Variants in ASPRV1 observed in about 807,000 individuals in gnomAD.
ASPRV1 encodes aspartic peptidase retroviral like 1, also known as retroviral-like aspartic protease 1.
A neutral mutation model predicts 11.0 loss-of-function variants in ASPRV1; 7 were observed. That is an observed-to-expected ratio of 0.64 (90% confidence interval 0.36 to 1.20). ASPRV1 has a LOEUF of 1.20. Among genes scored for constraint, ASPRV1 ranks in the 50% most tolerant of loss-of-function variants. ASPRV1 has a pLI of 0.02. For missense variants in ASPRV1, 299 were observed against 320.0 expected, an observed-to-expected ratio of 0.93 and a Z score of 0.50; for synonymous variants, 136 against 138.4, an observed-to-expected ratio of 0.98 and a Z score of 0.12.
At chr2:70,040,462 C>T in the ASPRV1 span, among the ~76,000 whole-genome samples, 1 of 152,160 alleles carries the variant, frequency 6.6e-6, no homozygotes, top group African/African-American at 2.4e-5. Context: ...CTGATCTCAG[C>T]TCACTGCAAC....
the ASPRV1 span, chr2:69,937,972 C>G: frequency 7.0e-6 from 6 of 860,638 alleles, no homozygotes; most frequent in South Asian, 1.0e-4. Context: ...GTCTCAAACT[C>G]CTAACCTCAA....
chr2:69,952,574 G>C, the ASPRV1 span, among the ~76,000 whole-genome samples: 1 of 145,206 alleles, frequency 6.9e-6, no homozygotes, highest in African/African-American at 2.6e-5. Context: ...AAAGAAAAAA[G>C]AAAAGGGAAG....
chr2:69,966,372 T>C (rs1224770705), upstream of ASPRV1, among the ~76,000 whole-genome samples: 2 of 152,236 alleles, frequency 1.3e-5, no homozygotes, highest in Non-Finnish European at 2.9e-5. Context: ...GACCAAGCCG[T>C]CATCCTTTCC....
the ASPRV1 span, chr2:70,080,856 C>T: frequency 1.3e-5 from 2 of 152,324 alleles, no homozygotes; most frequent in South Asian, 4.1e-4. Context: ...CCTTTGCTTC[C>T]TCTGCCTGGA....
chr2:70,020,317 T>C, the ASPRV1 span, among the ~76,000 whole-genome samples: 1 of 152,160 alleles, frequency 6.6e-6, no homozygotes, highest in African/African-American at 2.4e-5. Flanking sequence ...ATTATCACAA[T>C]AGCAAGCAAG....
the ASPRV1 span, among the ~76,000 whole-genome samples, chr2:69,999,099 T>G: frequency 3.3e-5 from 5 of 152,116 alleles, no homozygotes; most frequent in Admixed American, 1.3e-4. Context: ...AGATTAATAT[T>G]TATTTTATTT....
the ASPRV1 span, among the ~76,000 whole-genome samples, chr2:70,068,439 C>T: frequency 6.6e-5 from 10 of 152,112 alleles, no homozygotes; most frequent in Admixed American, 2.6e-4. Context: ...AAAAAGGAGG[C>T]GGCAAGCTGC....
chr2:70,072,574 T>C, the ASPRV1 span, among the ~76,000 whole-genome samples: 1 of 150,648 alleles, frequency 6.6e-6, no homozygotes, highest in African/African-American at 2.4e-5. Context: ...ATAAAAAAAT[T>C]AGCCAGGCAT....
At chr2:69,941,877 C>A in the ASPRV1 span, 1 of 152,150 alleles carries the variant, frequency 6.6e-6, no homozygotes, top group Non-Finnish European at 1.5e-5. Flanking sequence ...CACACACACA[C>A]ACACACACAT....
the ASPRV1 span, among the ~76,000 whole-genome samples, chr2:70,012,947 T>C: frequency 6.6e-6 from 1 of 152,344 alleles, no homozygotes; most frequent in Admixed American, 6.5e-5. Context: ...CTGACAGTAT[T>C]TGTTGCCAAC....
the ASPRV1 span, among the ~76,000 whole-genome samples, chr2:69,973,934 T>C: frequency 2.0e-5 from 3 of 152,236 alleles, no homozygotes; most frequent in Non-Finnish European, 1.5e-5. Context: ...TCCACCAATA[T>C]GATGTCACTG....
chr2:70,057,276 C>T, the ASPRV1 span, among the ~76,000 whole-genome samples: 1 of 151,952 alleles, frequency 6.6e-6, no homozygotes. Context: ...AGAAAATTTT[C>T]AGAAACAGTA....
At chr2:70,068,946 CAAAAAAA>C in the ASPRV1 span, among the ~76,000 whole-genome samples, 1 of 59,084 alleles carries the variant, frequency 1.7e-5, no homozygotes. Context: ...ACTCTTGTCT[CAAAAAAA>C]AAAAAAAAAA....
the ASPRV1 span, among the ~76,000 whole-genome samples, chr2:69,951,496 T>A: frequency 6.7e-6 from 1 of 148,206 alleles, no homozygotes; most frequent in Non-Finnish European, 1.5e-5. Flanking sequence ...TATCTATATG[T>A]ATATTTATAT....
chr2:69,956,486 A>AGAAGAAGAAGAAGAAAAGAG (rs1558579541), downstream of ASPRV1, among the ~76,000 whole-genome samples: 1 of 150,984 alleles, frequency 6.6e-6, no homozygotes, highest in African/African-American at 2.5e-5. Flanking sequence ...GAAAAGAGGA[A>AGAAGAAGAAGAAGAAAAGAG]GAAGAAGAAG....
chr2:70,055,658 G>C, the ASPRV1 span: 1 of 152,130 alleles, frequency 6.6e-6, no homozygotes, highest in Admixed American at 6.6e-5. Context: ...GAACTTACAG[G>C]ATAGGTCAAT....
At chr2:70,061,670 G>A in the ASPRV1 span, among the ~76,000 whole-genome samples, 89 of 152,020 alleles carry the variant, frequency 5.9e-4, no homozygotes, top group African/African-American at 2.0e-3. Context: ...ATATGGTCTG[G>A]AGGACCGGGT....
At chr2:69,996,472 T>C in the ASPRV1 span, among the ~76,000 whole-genome samples, 5 of 152,140 alleles carry the variant, frequency 3.3e-5, no homozygotes, top group East Asian at 1.9e-4. Context: ...AAATGTTCAA[T>C]AGCCACATGT....
At chr2:70,047,748 G>A in the ASPRV1 span, among the ~76,000 whole-genome samples, 19,382 of 152,132 alleles carry the variant, frequency 0.13, 1,808 homozygotes, top group South Asian at 0.24. Context: ...AGCCTCCCGA[G>A]AGGAGTTTCT....
Sources: gnomAD v4.1 joint callset for allele counts (sites outside exome capture counted in the v4.1 genomes callset) on GRCh38, gnomAD v4.1.1 for gene constraint, MANE v1.5 for transcripts, NCBI Gene and HGNC (gene_info 2026-07-23, HGNC 2026-07-21) for gene names.